The following STK3 variants were observed in gnomAD, a reference collection of about 807,000 sequenced individuals.
STK3 encodes serine/threonine kinase 3, also known as serine/threonine-protein kinase 3.
STK3 carries 41 observed loss-of-function variants against 58.0 expected under a neutral mutation model. That is an observed-to-expected ratio of 0.71 (90% CI 0.55 to 0.92). The LOEUF is 0.92. STK3 is among the 40% of genes least tolerant of loss of function. STK3 has a pLI of 0.00. For missense variants in STK3, 479 were observed against 602.7 expected, an observed-to-expected ratio of 0.79 and a Z score of 2.15; for synonymous variants, 170 against 191.0, an observed-to-expected ratio of 0.89 and a Z score of 0.91.
chr8:98,711,374 A>G (rs1272113108), intron 4 of STK3, among the ~76,000 whole-genome samples: 2 of 152,150 alleles, frequency 1.3e-5, no homozygotes, highest in African/African-American at 4.8e-5. Flanking sequence ...CAAAGAAGTT[A>G]AAAACCTTGA....
intron 6 of STK3, among the ~76,000 whole-genome samples, chr8:98,669,655 A>C (rs552656340): frequency 1.6e-4 from 25 of 152,162 alleles, no homozygotes; most frequent in African/African-American, 5.1e-4. Flanking sequence ...GAAGTATCCC[A>C]AAAAAAATCA....
Position 98,428,793 on chromosome 8 carries a change from T to C in STK3, n.483+5334A>G, listed in dbSNP as rs1818284524. Reference sequence around the variant, plus strand: ...TGACCTCATGTCCATCGTCCCCTTTTACATCACTCTGGTGGTGAACCTGGT... The same window carrying C: ...TGACCTCATGTCCATCGTCCCCTTTCACATCACTCTGGTGGTGAACCTGGT... On this transcript the variant is annotated intron_variant and non_coding_transcript_variant, in intron 3 of 3. Transcript: ENST00000517832. This position sits in a 1 kb window ranked among gnomAD's most constrained non-coding sequence, Gnocchi z 6.7. 6.2e-7 allele frequency: 1 copy of C among 1,614,214 alleles called. No homozygotes were observed. Among genetic ancestry groups the C allele is most frequent in the East Asian group, 2.2e-5 (1 of 44,882 alleles).
At chr8:98,344,436 G>T in the STK3 span, among the ~76,000 whole-genome samples, 1 of 152,236 alleles carries the variant, frequency 6.6e-6, no homozygotes, top group African/African-American at 2.4e-5. Flanking sequence ...GCCTGGGAAG[G>T]AGAAGGAGGG....
intron 10 of STK3, chr8:98,526,485 G>C (rs1310350383): frequency 4.1e-6 from 1 of 245,596 alleles, no homozygotes; most frequent in African/African-American, 2.2e-5. Flanking sequence ...GTTTTAAGGA[G>C]TCCTGAATAT....
intron 8 of STK3, among the ~76,000 whole-genome samples, chr8:98,556,301 G>T (rs949247287): frequency 2.0e-5 from 3 of 151,914 alleles, no homozygotes; most frequent in African/African-American, 7.3e-5. Context: ...CATATTACAG[G>T]GACGCATACT....
intron 10 of STK3, among the ~76,000 whole-genome samples, chr8:98,490,260 GT>G (rs1406430584): frequency 6.6e-6 from 1 of 152,164 alleles, no homozygotes; most frequent in Non-Finnish European, 1.5e-5. Flanking sequence ...TTACTGGTAT[GT>G]TTTTAATAAT....
At chr8:98,722,925 C>G (rs369421606) in intron 4 of STK3, 166 of 499,972 alleles carry the variant, frequency 3.3e-4, no homozygotes, top group Middle Eastern at 1.6e-3. Flanking sequence ...GATCCATTCT[C>G]AAATCACAGC....
chr8:98,726,758 A>C (rs1196960604), intron 4 of STK3, among the ~76,000 whole-genome samples: 1 of 152,146 alleles, frequency 6.6e-6, no homozygotes, highest in African/African-American at 2.4e-5. Flanking sequence ...AGTACTTTCC[A>C]GGAAAATCCT....
chr8:98,857,791 GA>G (rs780098800), intron 3 of STK3, among the ~76,000 whole-genome samples: 2 of 152,114 alleles, frequency 1.3e-5, no homozygotes, highest in East Asian at 3.8e-4. Context: ...CAGAATTATT[GA>G]GATGGGGATA....
the STK3 span, among the ~76,000 whole-genome samples, chr8:98,346,828 A>T: frequency 6.6e-6 from 1 of 151,936 alleles, no homozygotes; most frequent in Non-Finnish European, 1.5e-5. Context: ...GAAAAAAAAA[A>T]GATACCACAT....
chr8:98,487,888 A>G (rs1431115413), intron 10 of STK3, among the ~76,000 whole-genome samples: 5 of 152,218 alleles, frequency 3.3e-5, no homozygotes, highest in African/African-American at 9.6e-5. Context: ...GAGCCAAGTT[A>G]CTTAATTTAG....
chr8:98,863,702 T>C (rs1837018537), intron 3 of STK3, among the ~76,000 whole-genome samples: 1 of 152,214 alleles, frequency 6.6e-6, no homozygotes, highest in Non-Finnish European at 1.5e-5. Flanking sequence ...GGCAACATTT[T>C]GGGAAAGAAG....
intron 1 of STK3, chr8:98,921,274 A>T (rs551440899): frequency 6.6e-6 from 1 of 152,246 alleles, no homozygotes; most frequent in East Asian, 1.9e-4. Context: ...AAAAAAAAAA[A>T]AACATAAAAC....
chr8:98,607,534 T>C (rs561973608), intron 6 of STK3, among the ~76,000 whole-genome samples: 10 of 152,354 alleles, frequency 6.6e-5, no homozygotes, highest in African/African-American at 2.4e-4. Context: ...AAAAATACTC[T>C]TTTTAGCAAA....
chr8:98,566,093 G>T (rs1029501517), intron 8 of STK3, among the ~76,000 whole-genome samples: 4 of 152,070 alleles, frequency 2.6e-5, no homozygotes, highest in African/African-American at 7.2e-5. Context: ...ATGTCAATTT[G>T]TCAAGATACA....
At chr8:98,934,449 C>T (rs373136201) in intron 1 of STK3, among the ~76,000 whole-genome samples, 9 of 152,172 alleles carry the variant, frequency 5.9e-5, no homozygotes, top group African/African-American at 1.4e-4. Flanking sequence ...AGCTGCATAT[C>T]GGAAGCCACA....
At position 98,800,359 on chromosome 8, in the gene STK3, G is replaced by A. The variant is rs1224985273; in HGVS notation, c.26+25156C>T. Among the ~76,000 whole-genome samples, 1 of 152,228 alleles carries A rather than the reference G, an allele frequency of 6.6e-6. No homozygotes were observed. Among genetic ancestry groups the A allele is most frequent in the African/African-American group, 2.4e-5 (1 of 41,460 alleles). On this transcript the variant is annotated intron_variant, in intron 1 of 10. Coordinates refer to ENST00000419617, the MANE Select transcript of STK3 (RefSeq NM_006281.4). This position sits in a 1 kb window ranked among gnomAD's most constrained non-coding sequence, Gnocchi z 4.8. Reference sequence around the variant, plus strand: ...CCCTATCCAGCAGGAAGTAGTTAGAGCGGTCATCGGCCAAATTCCCAACAG... The same window carrying A: ...CCCTATCCAGCAGGAAGTAGTTAGAACGGTCATCGGCCAAATTCCCAACAG...
chr8:98,672,141 C>T (rs988915654), intron 6 of STK3, among the ~76,000 whole-genome samples: 5 of 152,178 alleles, frequency 3.3e-5, no homozygotes, highest in African/African-American at 9.7e-5. Flanking sequence ...CAGACAGGGT[C>T]TCTCAAACTT....
In STK3 at chr8:98,455,121, C is replaced by CTTT. The variant is rs1406025950; in HGVS notation, c.*720_*721insAAA. ...TTCCATTGATTTCTTTGGTTTTAAA[C>CTTT]ACGATAGATCTATTTTACCTAAATA... On this transcript the variant is annotated 3_prime_UTR_variant, in exon 11 of 11. Transcript: ENST00000419617. 1 of 152,490 alleles carries CTTT rather than the reference C, an allele frequency of 6.6e-6. No homozygotes were observed. Among genetic ancestry groups the CTTT allele is most frequent in the Non-Finnish European group, 1.5e-5 (1 of 68,016 alleles). The allele number at this position is 152,490 out of a possible 1,614,324, so 9.4% of individuals were successfully genotyped here. A position where few individuals can be genotyped will look rare whatever the true frequency, so the allele number is the denominator to read the frequency against.
Sources: allele counts gnomAD v4.1 joint callset (sites outside exome capture counted in the v4.1 genomes callset), GRCh38; gene constraint gnomAD v4.1.1; non-coding constraint Gnocchi (gnomAD v3.1); transcripts MANE v1.5; gene names NCBI Gene and HGNC (gene_info 2026-07-23, HGNC 2026-07-21).